The following ZNF257 variants were observed in gnomAD, a reference collection of about 807,000 sequenced individuals.
ZNF257 encodes the protein bone marrow zinc finger 4.
A neutral mutation model predicts 11.9 loss-of-function variants in ZNF257; 12 were observed. The ratio of observed to expected loss-of-function variants is 1.01; its 90% CI spans 0.65 to 1.63. The LOEUF is 1.63. Ranked by LOEUF, ZNF257 falls within the 40% of genes most tolerant of loss-of-function variation. The pLI, the probability that ZNF257 is intolerant of heterozygous loss-of-function variation, is 0.00. For missense variants in ZNF257, 580 were observed against 665.5 expected (o/e 0.87, Z 1.41); for synonymous variants, 183 against 222.7 (o/e 0.82, Z 1.59).
intron 1 of ZNF257, among the ~76,000 whole-genome samples, chr19:22,062,307 G>A (rs546532107): frequency 4.3e-5 from 6 of 139,284 alleles, no homozygotes; most frequent in South Asian, 4.6e-4. Context: ...TGTATTTTTC[G>A]TAGAGACGGG....
intron 3 of ZNF257, among the ~76,000 whole-genome samples, chr19:22,078,556 CA>C (rs1297086724): frequency 1.3e-5 from 2 of 151,906 alleles, no homozygotes; most frequent in Non-Finnish European, 2.9e-5. Context: ...TATTTGAGTG[CA>C]AAAATTTTGA....
rs552658728 is a variant in ZNF257 at position 22,056,540 on chromosome 19, A to G, written c.3+3905A>G. Among the ~76,000 whole-genome samples, 3 of 148,876 alleles carry G rather than the reference A, an allele frequency of 2.0e-5. No individual in the cohort carries two copies. The South Asian group carries it at 6.3e-4, about 31-fold the overall frequency. ...ACCCAGGCTGGAGTGCAGTGGCACAATCTTGGCTCACTGCAAGCTCCGCCT... is the reference window on the plus strand; with the variant it reads ...ACCCAGGCTGGAGTGCAGTGGCACAGTCTTGGCTCACTGCAAGCTCCGCCT... On this transcript the variant is annotated intron_variant, in intron 1 of 3. Transcript: ENST00000594947.
At chr19:22,070,973 T>C (rs1016240584) in intron 1 of ZNF257, among the ~76,000 whole-genome samples, 3 of 152,124 alleles carry the variant, frequency 2.0e-5, no homozygotes, top group African/African-American at 7.2e-5. Flanking sequence ...TACTTCAGCT[T>C]TTCCTACAGG....
At chr19:22,071,692 GC>G (rs1019746612) in intron 1 of ZNF257, among the ~76,000 whole-genome samples, 2 of 152,088 alleles carry the variant, frequency 1.3e-5, no homozygotes, top group Non-Finnish European at 2.9e-5. Context: ...CTACATCATG[GC>G]TCCTTCTATG....
At chr19:22,065,386 G>A (rs1447051903) in intron 1 of ZNF257, among the ~76,000 whole-genome samples, 1 of 152,052 alleles carries the variant, frequency 6.6e-6, no homozygotes, top group Admixed American at 6.6e-5. Flanking sequence ...TTTTAGTAGA[G>A]ATGGGATTTC....
chr19:22,063,718 G>A (rs1456127050), intron 1 of ZNF257, among the ~76,000 whole-genome samples: 1 of 152,184 alleles, frequency 6.6e-6, no homozygotes. Context: ...TTGTCTCCAT[G>A]TGTGGTTGGT....
intron 3 of ZNF257, among the ~76,000 whole-genome samples, chr19:22,083,441 A>C (rs970953313): frequency 4.6e-5 from 7 of 152,182 alleles, no homozygotes; most frequent in Admixed American, 4.6e-4. Context: ...ATTGCACTCC[A>C]GCTGGGTGAC....
chr19:22,065,954 C>G (rs1297013668), intron 1 of ZNF257: 1 of 152,188 alleles, frequency 6.6e-6, no homozygotes, highest in East Asian at 1.9e-4. Context: ...TGCACACTTT[C>G]TTTATAATGC....
At chr19:22,070,665 C>T (rs1456012047) in intron 1 of ZNF257, among the ~76,000 whole-genome samples, 2 of 151,728 alleles carry the variant, frequency 1.3e-5, no homozygotes, top group Non-Finnish European at 1.5e-5. Context: ...TTCATTTGCC[C>T]TAGAAGTATT....
intron 1 of ZNF257, among the ~76,000 whole-genome samples, chr19:22,068,624 A>G (rs2022023089): frequency 6.6e-6 from 1 of 152,186 alleles, no homozygotes; most frequent in Admixed American, 6.5e-5. Context: ...TGCTGCAGTT[A>G]CATGAGAGGA....
chr19:22,055,437 C>T (rs1018912422), intron 1 of ZNF257, among the ~76,000 whole-genome samples: 6 of 152,064 alleles, frequency 3.9e-5, no homozygotes, highest in African/African-American at 1.4e-4. Context: ...AACACCTGAC[C>T]TCTGGTGATC....
intron 3 of ZNF257, among the ~76,000 whole-genome samples, chr19:22,077,529 T>C (rs1174332585): frequency 6.6e-6 from 1 of 152,202 alleles, no homozygotes; most frequent in East Asian, 1.9e-4. Flanking sequence ...AGTGGAATTA[T>C]ATAGTATTCA....
At chr19:22,083,867 T>C (rs2116895) in intron 3 of ZNF257, among the ~76,000 whole-genome samples, 100,813 of 151,972 alleles carry the variant, frequency 0.66, 34,282 homozygotes, top group South Asian at 0.84. Flanking sequence ...TGGTCCGGTG[T>C]GGTAGCTCAC....
At chr19:22,061,881 T>A (rs978700218) in intron 1 of ZNF257, among the ~76,000 whole-genome samples, 3 of 151,970 alleles carry the variant, frequency 2.0e-5, no homozygotes, top group Non-Finnish European at 4.4e-5. Context: ...TTTTTTTTGT[T>A]GCATCTATTG....
intron 3 of ZNF257, among the ~76,000 whole-genome samples, chr19:22,080,349 T>C (rs1272417556): frequency 6.6e-6 from 1 of 152,166 alleles, no homozygotes; most frequent in Non-Finnish European, 1.5e-5. Flanking sequence ...TCCTTGTGCA[T>C]GGGTTGGCAC....
At chr19:22,054,885 G>C (rs2021584356) in intron 1 of ZNF257, among the ~76,000 whole-genome samples, 1 of 149,490 alleles carries the variant, frequency 6.7e-6, no homozygotes, top group African/African-American at 2.5e-5. Flanking sequence ...ATATCTGCTA[G>C]AGTATCTAGT....
chr19:22,084,915 G>C (rs959583193), intron 3 of ZNF257, among the ~76,000 whole-genome samples: 2 of 151,986 alleles, frequency 1.3e-5, no homozygotes, highest in Non-Finnish European at 2.9e-5. Context: ...TTTTGGTAGA[G>C]ACAGGGTTTC....
chr19:22,086,533 G>A (rs907170438), intron 3 of ZNF257, among the ~76,000 whole-genome samples: 2 of 151,846 alleles, frequency 1.3e-5, no homozygotes, highest in African/African-American at 4.8e-5. Context: ...ATGATTATGT[G>A]TTGATTTCTT....
In ZNF257 at chr19:22,087,113, C is replaced by G. The variant is rs140421927; in HGVS notation, c.227-864C>G. Among the ~76,000 whole-genome samples, 374 of 151,362 alleles carry G rather than the reference C, an allele frequency of 2.5e-3. 2 individuals are homozygous for G. Among genetic ancestry groups the G allele is most frequent in the African/African-American group, 8.1e-3 (334 of 41,318 alleles). On this transcript the variant is annotated intron_variant, in intron 3 of 3. Transcript: ENST00000594947. ...TTATTATTCAACTTATTTTAAATTT[C>G]TAAAATTTATACATTTTTATTTTAT... is the stretch of plus-strand genomic sequence containing the variant.
Sources: allele counts gnomAD v4.1 joint callset (sites outside exome capture counted in the v4.1 genomes callset), GRCh38; gene constraint gnomAD v4.1.1; transcripts MANE v1.5; gene names NCBI Gene and HGNC (gene_info 2026-07-23, HGNC 2026-07-21).